GJB6: variants seen among roughly 807,000 people sequenced by gnomAD.
GJB6 encodes gap junction protein beta 6.
GJB6 carries 5 observed loss-of-function variants against 5.4 expected under a neutral mutation model. The observed-to-expected ratio is 0.92, with a 90% CI of 0.48 to 1.93. GJB6 has a LOEUF of 1.93. Among genes scored for constraint, GJB6 ranks in the 30% most tolerant of loss-of-function variants. GJB6 has a pLI of 0.01. For missense variants in GJB6, 298 were observed against 326.9 expected, an observed-to-expected ratio of 0.91 and a Z score of 0.68; for synonymous variants, 136 against 129.6, an observed-to-expected ratio of 1.05 and a Z score of -0.34.
At chr13:20,230,323 C>T (rs567723908) in intron 3 of GJB6, among the ~76,000 whole-genome samples, 26 of 152,268 alleles carry the variant, frequency 1.7e-4, no homozygotes, top group African/African-American at 6.0e-4. Context: ...AAATGGAAAA[C>T]TCATGCAATT....
Position 20,223,515 on chromosome 13 carries a change from C to T in GJB6, c.-15-20G>A. On this transcript the variant is annotated intron_variant, in intron 4 of 4. Transcript: ENST00000647029. ...TTATCCCTAAACAGACAAAAGTGGG[C>T]AAAGGTTTATTAGTGGAAGAGGCCT... is the stretch of plus-strand genomic sequence containing the variant. The T allele has an allele frequency of 1.3e-6, 2 of 1,597,976 alleles. No homozygotes were observed. The highest frequency in any genetic ancestry group is 1.7e-6 in the Non-Finnish European group (2 of 1,165,536).
At chr13:20,229,268 C>A (rs1398357151) in intron 4 of GJB6, among the ~76,000 whole-genome samples, 1 of 148,748 alleles carries the variant, frequency 6.7e-6, no homozygotes, top group Non-Finnish European at 1.5e-5. Flanking sequence ...TGTGCTTCAG[C>A]CTCCTGAATA....
intron 4 of GJB6, among the ~76,000 whole-genome samples, chr13:20,226,012 G>T (rs555916174): frequency 1.3e-5 from 2 of 152,262 alleles, no homozygotes; most frequent in Admixed American, 1.3e-4. Flanking sequence ...GGAACAGAGT[G>T]CTGGGCTCCC....
chr13:20,222,641 T>C lies in GJB6; in HGVS notation c.*54A>G. 1 of 1,505,218 alleles carries C rather than the reference T, an allele frequency of 6.6e-7. No individual in the cohort carries two copies. Among genetic ancestry groups the C allele is most frequent in the Non-Finnish European group, 9.3e-7 (1 of 1,080,810 alleles). The allele number at this position is 1,505,218 out of a possible 1,614,324, so 93.2% of individuals were successfully genotyped here. A position where few individuals can be genotyped will look rare whatever the true frequency, so the allele number is the denominator to read the frequency against. On this transcript the variant is annotated 3_prime_UTR_variant, in exon 5 of 5. Coordinates refer to ENST00000647029, the MANE Select transcript of GJB6 (RefSeq NM_001110219.3). ...AGGAACTTTCAGGTTGGTATTGCCT[T>C]CTGGAGAAGACAGAAGTCTCCTTAT... is the stretch of plus-strand genomic sequence containing the variant.
intron 4 of GJB6, among the ~76,000 whole-genome samples, chr13:20,228,493 G>GT (rs200585465): frequency 0.11 from 15,629 of 142,766 alleles, 1,055 homozygotes; most frequent in East Asian, 0.29. Context: ...TTTGTTTTTT[G>GT]TTTTTTTTGA....
chr13:20,229,147 A>AAAAAAAAAAT (rs1276147789), intron 4 of GJB6, among the ~76,000 whole-genome samples: 1 of 89,196 alleles, frequency 1.1e-5, no homozygotes, highest in African/African-American at 5.9e-5. Flanking sequence ...AAAAAAAAAA[A>AAAAAAAAAAT]AAATTTTTTT....
chr13:20,227,459 G>A (rs1304620981), intron 4 of GJB6, among the ~76,000 whole-genome samples: 6 of 152,150 alleles, frequency 3.9e-5, no homozygotes, highest in African/African-American at 1.4e-4. Flanking sequence ...GAGCCACAAA[G>A]GCCCTGTTAT....
At position 20,230,697 on chromosome 13, in the gene GJB6, C is replaced by T. The variant is rs978025217; in HGVS notation, c.-186+1G>A. The T allele has an allele frequency of 2.6e-5, 4 of 152,156 alleles. No individual in the cohort carries two copies. The highest frequency in any genetic ancestry group is 5.9e-5 in the Non-Finnish European group (4 of 68,042). 9.4% of individuals were successfully genotyped at this position (152,156 alleles called of 1,614,324 possible). A position where few individuals can be genotyped will look rare whatever the true frequency, so the allele number is the denominator to read the frequency against. ...TAATATATGCAAACTGCTCACAGCA[C>T]CTGGAATATTCAAATTGAATTAAAG... is the stretch of plus-strand genomic sequence containing the variant. On this transcript the variant is annotated splice_donor_variant, in intron 3 of 4. Transcript: ENST00000647029. LOFTEE classifies it low-confidence loss of function (5UTR_SPLICE).
At chr13:20,229,882 A>G (rs1198378034) in intron 3 of GJB6, 133 bp from the exon 4 acceptor site, 4 of 139,284 alleles carry the variant, frequency 2.9e-5, no homozygotes, top group African/African-American at 5.3e-5. Flanking sequence ...AGGTAAGTTC[A>G]GAAATTGCCA....
At chr13:20,228,594 C>T (rs1037163975) in intron 4 of GJB6, among the ~76,000 whole-genome samples, 3 of 148,952 alleles carry the variant, frequency 2.0e-5, no homozygotes, top group Non-Finnish European at 4.5e-5. Flanking sequence ...CGCCGTTCTC[C>T]CGCCTCAGCC....
chr13:20,224,993 G>A (rs1000599528), intron 4 of GJB6, among the ~76,000 whole-genome samples: 3 of 152,198 alleles, frequency 2.0e-5, no homozygotes, highest in Non-Finnish European at 4.4e-5. Context: ...GTAAATGGAG[G>A]CAGCCTCTCC....
At position 20,223,002 on chromosome 13, in the gene GJB6, C is replaced by A. The variant is rs754273614; in HGVS notation, c.479G>T (p.Gly160Val). ...TTTCAACACCCAGGGCAGGTGGTAC[C>A]CATTGTAAAGGAAGTAAAACACATA... ...FMYVFYFLYN[G>V]YHLPWVLKCG... Residue 160 changes from glycine to valine, a missense_variant, in exon 5 of 5, where the codon GGG becomes GTG. Physicochemically the swap from Gly to Val is moderately radical, Grantham distance 109. Transcript: ENST00000647029. 6.2e-7 allele frequency: 1 copy of A among 1,613,956 alleles called. No individual in the cohort carries two copies.
At position 20,229,747 on chromosome 13, in the gene GJB6, C is replaced by T. The variant is rs887426505; in HGVS notation, c.-183G>A. The stretch of plus-strand genomic sequence containing the variant: ...ATCTTTGCTCGGTCAGTGAGGATGT[C>T]GCCTGTTGAGGGAAAAATAGTAGCT... On this transcript the variant is annotated splice_region_variant and 5_prime_UTR_variant, in exon 4 of 5. Coordinates refer to ENST00000647029, the MANE Select transcript of GJB6 (RefSeq NM_001110219.3). The T allele has an allele frequency of 1.3e-5, 2 of 150,638 alleles. No homozygotes were observed. Among genetic ancestry groups the T allele is most frequent in the Middle Eastern group, 3.4e-3 (1 of 290 alleles). 9.3% of individuals were successfully genotyped at this position (150,638 alleles called of 1,614,324 possible). A position where few individuals can be genotyped will look rare whatever the true frequency, so the allele number is the denominator to read the frequency against.
At chr13:20,229,792 T>TCCCACCCCCCCCC (rs1566543168) in intron 3 of GJB6, 43 bp from the exon 4 acceptor site, 1 of 72,816 alleles carries the variant, frequency 1.4e-5, no homozygotes, top group Non-Finnish European at 2.7e-5. Flanking sequence ...TTCCTTTAAC[T>TCCCACCCCCCCCC]CCCCCCCCCC....
At chr13:20,223,886 G>A (rs1008734239) in intron 4 of GJB6, among the ~76,000 whole-genome samples, 65 of 151,924 alleles carry the variant, frequency 4.3e-4, no homozygotes, top group African/African-American at 1.5e-3. Flanking sequence ...GGAGAATGGC[G>A]TGAACCAGGG....
intron 4 of GJB6, among the ~76,000 whole-genome samples, chr13:20,227,977 G>C (rs1480389888): frequency 6.7e-6 from 1 of 149,592 alleles, no homozygotes; most frequent in African/African-American, 2.5e-5. Flanking sequence ...CCCAGAGGAA[G>C]GATGTTGTGG....
intron 4 of GJB6, among the ~76,000 whole-genome samples, chr13:20,225,117 C>T (rs1296838112): frequency 2.0e-5 from 3 of 152,198 alleles, no homozygotes; most frequent in East Asian, 1.9e-4. Flanking sequence ...CTCCTAGTTC[C>T]GTTGGCTTTC....
chr13:20,229,123 CAAAAAAAAAA>C (rs5802041), intron 4 of GJB6, among the ~76,000 whole-genome samples: 2 of 43,872 alleles, frequency 4.6e-5, no homozygotes, highest in African/African-American at 9.9e-5. Flanking sequence ...TGTCATTTAG[CAAAAAAAAAA>C]AAAAAAAAAA....
In GJB6 at chr13:20,222,328, A is replaced by T. The variant is rs1869228489; in HGVS notation, c.*367T>A. ...TTCAAAGTCAGAACTAAAAACATCC[A>T]AGCCTATAAAAATATCTTTTCCTAA... On this transcript the variant is annotated 3_prime_UTR_variant, in exon 5 of 5. Coordinates refer to ENST00000647029, the MANE Select transcript of GJB6 (RefSeq NM_001110219.3). 5.0e-6 allele frequency: 1 copy of T among 201,128 alleles called. No homozygotes were observed. Among genetic ancestry groups the T allele is most frequent in the Non-Finnish European group, 1.0e-5 (1 of 97,722 alleles). 12.5% of individuals were successfully genotyped at this position (201,128 alleles called of 1,614,324 possible).
Sources: gnomAD v4.1 joint callset for allele counts (sites outside exome capture counted in the v4.1 genomes callset) on GRCh38, gnomAD v4.1.1 for gene constraint, MANE v1.5 for transcripts, NCBI Gene and HGNC (gene_info 2026-07-23, HGNC 2026-07-21) for gene names.